Variants in ABCA5 observed in about 807,000 individuals in gnomAD.
The protein encoded by ABCA5 is ATP binding cassette subfamily A member 5.
ABCA5 carries 163 observed loss-of-function variants against 206.0 expected under a neutral mutation model. The ratio of observed to expected loss-of-function variants is 0.79; its 90% CI spans 0.70 to 0.90. ABCA5 has a LOEUF of 0.90. Ranked by LOEUF, ABCA5 falls within the 40% of genes least tolerant of loss-of-function variation. The probability of loss-of-function intolerance (pLI) is 0.00; values close to 1 mark genes in which losing one functional copy is unlikely to be tolerated. For synonymous variants in ABCA5, 609 were observed against 613.8 expected (o/e 0.99, Z 0.11); for missense variants, 1,859 against 1,912.9 (o/e 0.97, Z 0.53).
chr17:69,322,469 T>A (rs2075872824), intron 1 of ABCA5, among the ~76,000 whole-genome samples: 1 of 148,212 alleles, frequency 6.7e-6, no homozygotes. Context: ...CCTTTAGAAA[T>A]AATTGTTAGA....
chr17:69,266,499 A>G (rs1391887395), intron 23 of ABCA5, among the ~76,000 whole-genome samples: 1 of 151,308 alleles, frequency 6.6e-6, no homozygotes, highest in Non-Finnish European at 1.5e-5. Context: ...GTGCACCAGC[A>G]TGGCACATGT....
chr17:69,311,139 A>G (rs1237461762), intron 3 of ABCA5, among the ~76,000 whole-genome samples: 3 of 152,110 alleles, frequency 2.0e-5, no homozygotes, highest in African/African-American at 7.2e-5. Flanking sequence ...GGCTGCAGTG[A>G]GCTGAGATCA....
At position 69,301,184 on chromosome 17, in the gene ABCA5, T is replaced by A; in HGVS notation, c.1222A>T (p.Ile408Leu). 2 of 1,593,236 alleles carry A rather than the reference T, an allele frequency of 1.3e-6. No individual in the cohort carries two copies. Among genetic ancestry groups the A allele is most frequent in the Non-Finnish European group, 1.7e-6 (2 of 1,173,904 alleles). Residue 408 changes from isoleucine (I) to leucine (L), a missense_variant, in exon 9 of 39, where the codon ATA (isoleucine) becomes TTA (leucine). Coordinates refer to ENST00000392676, the MANE Select transcript of ABCA5 (RefSeq NM_172232.4). ...ITIIMLTLNS[I>L]FYVLLAVYLD... ...TAGACAGCCAAGAGGACATAGAATATACTATTAAGTGTGAGCATGATAATT... is the reference window on the plus strand; with the variant it reads ...TAGACAGCCAAGAGGACATAGAATAAACTATTAAGTGTGAGCATGATAATT...
At chr17:69,276,013 CT>C (rs2075327540) in intron 19 of ABCA5, among the ~76,000 whole-genome samples, 2 of 145,254 alleles carry the variant, frequency 1.4e-5, no homozygotes, top group African/African-American at 5.1e-5. Flanking sequence ...AAATAATACT[CT>C]GTTTAAGTCA....
Position 69,308,183 on chromosome 17 carries a change from A to G in ABCA5, c.558+97T>C, listed in dbSNP as rs143368797. On this transcript the variant is annotated intron_variant, in intron 5 of 38. Coordinates refer to ENST00000392676, the MANE Select transcript of ABCA5 (RefSeq NM_172232.4). ...TTGTAGTAGGTTACATATTTTGTAC[A>G]TTTGACAGTAGTCAAACCAAATACT... The G allele has an allele frequency of 1.6e-4, 95 of 579,250 alleles. No homozygotes were observed. The African/African-American group carries it at 1.7e-3, about 10-fold the overall frequency. The allele number at this position is 579,250 out of a possible 1,614,324, so 35.9% of individuals were successfully genotyped here.
At chr17:69,293,833 G>GGGGT (rs529106926) in intron 11 of ABCA5, among the ~76,000 whole-genome samples, 1 of 123,818 alleles carries the variant, frequency 8.1e-6, no homozygotes, top group East Asian at 2.6e-4. Context: ...CAATCATACT[G>GGGGT]GTGTGTGTGT....
chr17:69,254,453 T>C lies in ABCA5; in HGVS notation c.4106A>G (p.Asp1369Gly), dbSNP rs774522914. Residue 1369 changes from aspartate to glycine, a missense_variant, in exon 32 of 39, where the codon GAT (aspartate) becomes GGT (glycine). Transcript: ENST00000392676. ...ACCCATACACTTCAGTGAATCATCA[T>C]CTTCACTTGTCTCTGAAGAATAATC... is the stretch of plus-strand genomic sequence containing the variant. ...LGDYSSETSE[D>G]DDSLKCMGYC... 1 of 1,611,924 alleles carries C rather than the reference T, an allele frequency of 6.2e-7. No individual in the cohort carries two copies. Among genetic ancestry groups the C allele is most frequent in the East Asian group, 2.2e-5 (1 of 44,794 alleles).
At chr17:69,269,151 G>T (rs1219382420) in intron 22 of ABCA5, among the ~76,000 whole-genome samples, 4 of 152,128 alleles carry the variant, frequency 2.6e-5, no homozygotes, top group South Asian at 2.1e-4. Context: ...GTTGAAAATT[G>T]TAAGTTGTAA....
chr17:69,293,886 T>TGTGTGTTTG (rs1567771944), intron 11 of ABCA5, among the ~76,000 whole-genome samples: 1 of 64,826 alleles, frequency 1.5e-5, no homozygotes, highest in Admixed American at 1.3e-4. Flanking sequence ...GTGTGTGTGT[T>TGTGTGTTTG]TGTGTGTGTG....
chr17:69,323,697 T>C (rs1206303975), intron 1 of ABCA5, among the ~76,000 whole-genome samples: 6 of 152,124 alleles, frequency 3.9e-5, no homozygotes, highest in Non-Finnish European at 8.8e-5. Context: ...TATCTTTGTT[T>C]CTCCACCACC....
chr17:69,293,835 TG>T (rs1302043514), intron 11 of ABCA5, among the ~76,000 whole-genome samples: 1 of 85,160 alleles, frequency 1.2e-5, no homozygotes, highest in Admixed American at 1.3e-4. Context: ...ATCATACTGG[TG>T]TGTGTGTGTG....
chr17:69,288,156 A>G (rs796806325), intron 14 of ABCA5, among the ~76,000 whole-genome samples: 3 of 152,276 alleles, frequency 2.0e-5, no homozygotes, highest in African/African-American at 7.2e-5. Context: ...TTAATATAAA[A>G]AAGAACATGG....
At chr17:69,255,877 G>A (rs759040114) in intron 29 of ABCA5, 27 bp from the exon 30 acceptor site, 7 of 1,500,268 alleles carry the variant, frequency 4.7e-6, no homozygotes, top group African/African-American at 1.4e-5. Flanking sequence ...TATTTAAAAA[G>A]AAAGTTATAA....
intron 11 of ABCA5, among the ~76,000 whole-genome samples, chr17:69,293,754 A>G (rs2075552441): frequency 2.0e-5 from 3 of 152,034 alleles, no homozygotes; most frequent in Admixed American, 1.3e-4. Flanking sequence ...ACAGATTTCT[A>G]CATTTACCAG....
At chr17:69,270,145 T>A (rs996256361) in intron 22 of ABCA5, among the ~76,000 whole-genome samples, 1 of 152,136 alleles carries the variant, frequency 6.6e-6, no homozygotes, top group Non-Finnish European at 1.5e-5. Flanking sequence ...TTGTTACAGA[T>A]ATTTGTCCAT....
At chr17:69,292,760 T>C (rs956780280) in intron 11 of ABCA5, among the ~76,000 whole-genome samples, 1 of 152,172 alleles carries the variant, frequency 6.6e-6, no homozygotes, top group Non-Finnish European at 1.5e-5. Flanking sequence ...GATTCATAAA[T>C]TGGACTTCAT....
At chr17:69,321,120 C>A (rs771299815) in intron 1 of ABCA5, among the ~76,000 whole-genome samples, 40 of 152,220 alleles carry the variant, frequency 2.6e-4, no homozygotes, top group African/African-American at 9.6e-4. Context: ...TACTGACTAG[C>A]CTAACAGGGA....
At chr17:69,286,968 T>C (rs189314186) in intron 15 of ABCA5, among the ~76,000 whole-genome samples, 2 of 152,292 alleles carry the variant, frequency 1.3e-5, no homozygotes, top group East Asian at 3.9e-4. Context: ...GCTTACAAGG[T>C]TGGCCCTTGG....
intron 23 of ABCA5, among the ~76,000 whole-genome samples, chr17:69,266,670 T>C (rs1029587313): frequency 4.1e-5 from 6 of 148,092 alleles, no homozygotes; most frequent in Non-Finnish European, 9.0e-5. Context: ...AGAAAGAAAA[T>C]GCAAATGTCC....
Sources: allele counts gnomAD v4.1 joint callset (sites outside exome capture counted in the v4.1 genomes callset), GRCh38; gene constraint gnomAD v4.1.1; transcripts MANE v1.5; gene names NCBI Gene and HGNC (gene_info 2026-07-23, HGNC 2026-07-21).